Variants in DTNB observed in about 807,000 individuals in gnomAD.
DTNB encodes the protein DTN-B.
Under a neutral mutation model 90.7 loss-of-function variants are expected in DTNB, and 63 were observed. The observed-to-expected ratio is 0.69, with a 90% CI of 0.57 to 0.86. The LOEUF is 0.86. DTNB is among the 40% of genes least tolerant of loss of function. The probability of loss-of-function intolerance (pLI) is 0.00; values close to 1 mark genes in which losing one functional copy is unlikely to be tolerated. For synonymous variants in DTNB, 277 were observed against 286.7 expected (o/e 0.97, Z 0.34); for missense variants, 744 against 807.1 (o/e 0.92, Z 0.95).
chr2:25,432,121 A>G (rs2054053184), intron 14 of DTNB, among the ~76,000 whole-genome samples: 1 of 152,162 alleles, frequency 6.6e-6, no homozygotes, highest in Admixed American at 6.5e-5. Context: ...CTAAACAGAA[A>G]GAATCCACTA....
intron 4 of DTNB, among the ~76,000 whole-genome samples, chr2:25,627,101 G>C (rs1345865362): frequency 6.6e-6 from 1 of 152,252 alleles, no homozygotes; most frequent in South Asian, 2.1e-4. Flanking sequence ...ATTTAAAATA[G>C]GTTCCTAGAC....
At chr2:25,525,370 C>T (rs1481530344) in intron 9 of DTNB, among the ~76,000 whole-genome samples, 4 of 152,118 alleles carry the variant, frequency 2.6e-5, no homozygotes, top group South Asian at 2.1e-4. Context: ...CCAAGCTGGG[C>T]GCAGTGGCTC....
At chr2:25,482,999 G>C in intron 9 of DTNB, 126 bp from the exon 10 acceptor site, 1 of 960,518 alleles carries the variant, frequency 1.0e-6, no homozygotes, top group Non-Finnish European at 1.4e-6. Flanking sequence ...CGGACCCATG[G>C]GGAGGGGGGG....
chr2:25,484,536 CATCT>C (rs774630812), intron 9 of DTNB, among the ~76,000 whole-genome samples: 3 of 152,182 alleles, frequency 2.0e-5, no homozygotes, highest in Non-Finnish European at 4.4e-5. Flanking sequence ...TCTCTTTCTC[CATCT>C]ATCTATGCAC....
chr2:25,536,968 C>G (rs2079968165), intron 8 of DTNB, among the ~76,000 whole-genome samples: 1 of 152,088 alleles, frequency 6.6e-6, no homozygotes, highest in Admixed American at 6.5e-5. Flanking sequence ...GTCTCAATCT[C>G]CTGACCTCGT....
rs547974863 is a variant in DTNB at position 25,667,152 on chromosome 2, A to G, written c.-2+6234T>C. Among the ~76,000 whole-genome samples the G allele has an allele frequency of 1.8e-4, 28 of 152,064 alleles. No homozygotes were observed. The South Asian group carries it at 5.4e-3, about 29-fold the overall frequency. ...GAAGAAAACAAAATTAAAAAAAAAA[A>G]AAAGAAAAGAAAACAAAATCAAAAG... is the stretch of plus-strand genomic sequence containing the variant. On this transcript the variant is annotated intron_variant, in intron 1 of 20. Coordinates refer to ENST00000406818, the MANE Select transcript of DTNB (RefSeq NM_021907.5).
At chr2:25,553,442 A>G (rs1489976874) in intron 8 of DTNB, among the ~76,000 whole-genome samples, 1 of 152,150 alleles carries the variant, frequency 6.6e-6, no homozygotes, top group Non-Finnish European at 1.5e-5. Flanking sequence ...AGTAATAAAA[A>G]TACGGCTAGG....
At chr2:25,602,306 C>A (rs967684653) in intron 5 of DTNB, among the ~76,000 whole-genome samples, 4 of 151,880 alleles carry the variant, frequency 2.6e-5, no homozygotes, top group Admixed American at 2.6e-4. Context: ...CTTTTTTTCC[C>A]CTTATTCATA....
At chr2:25,653,620 T>C (rs2081482716) in intron 1 of DTNB, among the ~76,000 whole-genome samples, 1 of 151,468 alleles carries the variant, frequency 6.6e-6, no homozygotes. Flanking sequence ...CAAGCAATTC[T>C]TGTGCCTCAG....
chr2:25,574,361 T>C (rs2060342237), intron 8 of DTNB, among the ~76,000 whole-genome samples: 3 of 152,226 alleles, frequency 2.0e-5, no homozygotes, highest in African/African-American at 7.2e-5. Context: ...TATGGTACCA[T>C]ACGGCATTTT....
intron 12 of DTNB, among the ~76,000 whole-genome samples, chr2:25,441,239 G>C (rs1018481114): frequency 6.6e-6 from 1 of 152,150 alleles, no homozygotes. Context: ...AACCCAGTTG[G>C]GGCCATTTCT....
intron 1 of DTNB, among the ~76,000 whole-genome samples, chr2:25,656,840 C>T (rs1293394434): frequency 6.6e-6 from 1 of 152,196 alleles, no homozygotes; most frequent in Non-Finnish European, 1.5e-5. Context: ...GACCAGGGTC[C>T]TAGCTATGCA....
chr2:25,442,942 T>C (rs1001363290), intron 12 of DTNB, among the ~76,000 whole-genome samples: 5 of 152,172 alleles, frequency 3.3e-5, no homozygotes, highest in Admixed American at 1.3e-4. Context: ...GCTCTCGAAA[T>C]GGTAGCTGTT....
chr2:25,576,221 GTTTT>G (rs57969480), intron 8 of DTNB, among the ~76,000 whole-genome samples: 1 of 97,546 alleles, frequency 1.0e-5, no homozygotes. Context: ...GAACAGTTTT[GTTTT>G]TTTTTTTTTT....
At chr2:25,661,013 A>G (rs2083076042) in intron 1 of DTNB, among the ~76,000 whole-genome samples, 1 of 152,150 alleles carries the variant, frequency 6.6e-6, no homozygotes, top group Admixed American at 6.5e-5. Context: ...ATATCATCTC[A>G]TTGTGGTCTT....
At chr2:25,391,588 T>G (rs2041142398) in intron 16 of DTNB, among the ~76,000 whole-genome samples, 1 of 152,060 alleles carries the variant, frequency 6.6e-6, no homozygotes, top group Non-Finnish European at 1.5e-5. Flanking sequence ...AAAAGACAGG[T>G]AATAACAAGT....
intron 10 of DTNB, among the ~76,000 whole-genome samples, chr2:25,471,387 C>CTT (rs34374443): frequency 5.6e-5 from 8 of 141,870 alleles, no homozygotes; most frequent in South Asian, 2.2e-4. Flanking sequence ...CATGAAAAAT[C>CTT]TTTTTTTTTT....
chr2:25,399,848 T>A (rs2043293284), intron 16 of DTNB, among the ~76,000 whole-genome samples: 1 of 152,164 alleles, frequency 6.6e-6, no homozygotes, highest in South Asian at 2.1e-4. Context: ...TTTTCAGATA[T>A]AAAATTCTGT....
chr2:25,379,693 A>C, intron 19 of DTNB: 1 of 230,362 alleles, frequency 4.3e-6, no homozygotes. Flanking sequence ...CCTCCTGCAG[A>C]TGGTCTGCTT....
Sources: gnomAD v4.1 joint callset for allele counts (sites outside exome capture counted in the v4.1 genomes callset) on GRCh38, gnomAD v4.1.1 for gene constraint, MANE v1.5 for transcripts, NCBI Gene and HGNC (gene_info 2026-07-23, HGNC 2026-07-21) for gene names.